Variants in CDIP1 observed in about 807,000 individuals in gnomAD.
CDIP1 encodes the protein cell death-inducing p53-target protein 1.
A neutral mutation model predicts 17.7 loss-of-function variants in CDIP1; 9 were observed. The ratio of observed to expected loss-of-function variants is 0.51; its 90% confidence interval spans 0.31 to 0.89. The LOEUF (loss-of-function observed/expected upper bound fraction) is 0.89. CDIP1 is among the 40% of genes least tolerant of loss of function. The probability of loss-of-function intolerance (pLI) is 0.05; values close to 1 mark genes in which losing one functional copy is unlikely to be tolerated. For missense variants in CDIP1, 263 were observed against 277.9 expected, an observed-to-expected ratio of 0.95 and a Z score of 0.38; for synonymous variants, 117 against 109.5, an observed-to-expected ratio of 1.07 and a Z score of -0.43.
chr16:4,537,154 G>A (rs1018865676), intron 1 of CDIP1, among the ~76,000 whole-genome samples: 1 of 152,146 alleles, frequency 6.6e-6, no homozygotes, highest in Non-Finnish European at 1.5e-5. Flanking sequence ...GCTTATTTGG[G>A]AGGGAAAGGC....
rs541014843 is a variant in CDIP1, at chr16:4,519,549, G to A, written c.-104-4885C>T. ...TCTCCCCGCGGCCCTTCCACCATGG[G>A]ATGACACAGCAAGAAGGCCCTTGCC... On this transcript the variant is annotated intron_variant, in intron 1 of 5. Transcript: ENST00000567695. Among the ~76,000 whole-genome samples, 195 of 152,208 alleles carry A rather than the reference G, an allele frequency of 1.3e-3. 1 individual carries two copies. Among genetic ancestry groups the A allele is most frequent in the Non-Finnish European group, 2.4e-3 (160 of 68,004 alleles).
intron 1 of CDIP1, 92 bp downstream of exon 1, chr16:4,538,610 C>G (rs1179351307): frequency 3.3e-5 from 5 of 152,304 alleles, no homozygotes; most frequent in Non-Finnish European, 5.9e-5. Flanking sequence ...CGAGGTCACG[C>G]CCCGACCTGA....
At chr16:4,532,148 G>C (rs1325220138) in intron 1 of CDIP1, 1 of 152,234 alleles carries the variant, frequency 6.6e-6, no homozygotes, top group East Asian at 1.9e-4. Context: ...CAACACTCAG[G>C]CAATGACGGA....
At chr16:4,527,997 G>C (rs2059017453) in intron 1 of CDIP1, among the ~76,000 whole-genome samples, 1 of 152,122 alleles carries the variant, frequency 6.6e-6, no homozygotes, top group Non-Finnish European at 1.5e-5. Flanking sequence ...TTGTATTTTA[G>C]TAGAGATGGG....
At chr16:4,516,377 C>G (rs1012591758) in intron 1 of CDIP1, among the ~76,000 whole-genome samples, 1 of 152,128 alleles carries the variant, frequency 6.6e-6, no homozygotes. Flanking sequence ...CTGAATTGTA[C>G]ACTTTAAATG....
intron 1 of CDIP1, among the ~76,000 whole-genome samples, chr16:4,528,211 A>C (rs2141653004): frequency 6.6e-6 from 1 of 152,318 alleles, no homozygotes; most frequent in South Asian, 2.1e-4. Flanking sequence ...TCTTCTTTAG[A>C]TGTATTTACA....
Position 4,513,908 on chromosome 16 carries a change from C to T in CDIP1, c.86-57G>A, listed in dbSNP as rs2058861007. 5.4e-6 allele frequency: 8 copies of T among 1,482,160 alleles called. No individual in the cohort carries two copies. Among genetic ancestry groups the T allele is most frequent in the South Asian group, 1.3e-5 (1 of 74,872 alleles). The allele number at this position is 1,482,160 out of a possible 1,614,324, so 91.8% of individuals were successfully genotyped here. ...AGCTGGAGCCTCTGCACGATGAGCT[C>T]GACCAGAGGCCACTGTTTTGGGACA... is the stretch of plus-strand genomic sequence containing the variant. On this transcript the variant is annotated intron_variant, in intron 3 of 5. Coordinates refer to ENST00000567695, the MANE Select transcript of CDIP1 (RefSeq NM_013399.3). The surrounding 1 kb of genome is among the most constrained non-coding windows in gnomAD (Gnocchi z 4.1).
At chr16:4,537,311 G>A (rs148305648) in intron 1 of CDIP1, among the ~76,000 whole-genome samples, 3 of 152,170 alleles carry the variant, frequency 2.0e-5, no homozygotes, top group African/African-American at 7.2e-5. Flanking sequence ...ACTTTTGTAT[G>A]TTTCACGTTT....
chr16:4,515,553 G>T (rs2058879198), intron 1 of CDIP1, among the ~76,000 whole-genome samples: 2 of 152,200 alleles, frequency 1.3e-5, no homozygotes, highest in African/African-American at 2.4e-5. Flanking sequence ...TAAAGGACTT[G>T]TATTAAGAAA....
At position 4,512,689 on chromosome 16, in the gene CDIP1, T is replaced by A. The variant is rs763996813; in HGVS notation, c.516-6A>T. On this transcript the variant is annotated splice_polypyrimidine_tract_variant and splice_region_variant and intron_variant, in intron 5 of 5. Transcript: ENST00000567695. The surrounding 1 kb of genome is among the most constrained non-coding windows in gnomAD (Gnocchi z 4.6). ...GGCAGCAGCCCAGATCACATCTGAA[T>A]CAGAGACAGGGAAGAACAGGCTGAG... 1.2e-6 allele frequency: 2 copies of A among 1,611,398 alleles called. No individual in the cohort carries two copies. The highest frequency in any genetic ancestry group is 1.3e-5 in the African/African-American group (1 of 74,818).
In CDIP1 at chr16:4,538,734, A is replaced by T. The variant is rs2141670513; in HGVS notation, c.-137T>A. On this transcript the variant is annotated 5_prime_UTR_variant, in exon 1 of 6. Transcript: ENST00000567695. ...GCAGCCCTGGGGCAGCGGCCGCAAC[A>T]GCAGGACCGAACGCCTCGGCAGCTG... is the stretch of plus-strand genomic sequence containing the variant. The T allele has an allele frequency of 6.6e-6, 1 of 152,346 alleles. No homozygotes were observed. Among genetic ancestry groups the T allele is most frequent in the East Asian group, 1.9e-4 (1 of 5,178 alleles). The allele number at this position is 152,346 out of a possible 1,614,324, so 9.4% of individuals were successfully genotyped here.
At chr16:4,536,966 T>G (rs1166580726) in intron 1 of CDIP1, among the ~76,000 whole-genome samples, 1 of 152,082 alleles carries the variant, frequency 6.6e-6, no homozygotes, top group African/African-American at 2.4e-5. Flanking sequence ...AGAGAACCTG[T>G]AAAGCTCTTC....
chr16:4,512,484 G>C lies in CDIP1; in HGVS notation c.*88C>G, dbSNP rs1316515816. 4.3e-6 allele frequency: 4 copies of C among 934,934 alleles called. No individual in the cohort carries two copies. Among genetic ancestry groups the C allele is most frequent in the South Asian group, 1.3e-5 (1 of 75,264 alleles). 57.9% of individuals were successfully genotyped at this position (934,934 alleles called of 1,614,324 possible). ...ATGGTGGCACGGCTCCCAGCCCCAA[G>C]TGGGAGCGGGAAAGTGACCACTGAG... On this transcript the variant is annotated 3_prime_UTR_variant, in exon 6 of 6. Coordinates refer to ENST00000567695, the MANE Select transcript of CDIP1 (RefSeq NM_013399.3). This position sits in a 1 kb window ranked among gnomAD's most constrained non-coding sequence, Gnocchi z 4.6.
rs1419716673 is a variant in CDIP1 at position 4,514,869 on chromosome 16, CTG to C, written c.-104-207_-104-206del. On this transcript the variant is annotated intron_variant, in intron 1 of 5. Transcript: ENST00000567695. This position sits in a 1 kb window ranked among gnomAD's most constrained non-coding sequence, Gnocchi z 5.2. Reference sequence around the variant, plus strand: ...GGTCTGCTTCCTCCCTCCCCCAGGACTGCTGGCACCCAAGGGCCACGGCTGGG... The same window carrying C: ...GGTCTGCTTCCTCCCTCCCCCAGGACCTGGCACCCAAGGGCCACGGCTGGG... The C allele has an allele frequency of 5.2e-3, 790 of 152,988 alleles. 9 individuals carry two copies. Among genetic ancestry groups the C allele is most frequent in the African/African-American group, 0.018 (736 of 41,590 alleles). 9.5% of individuals were successfully genotyped at this position (152,988 alleles called of 1,614,324 possible).
rs893617821 is a variant in CDIP1 at position 4,513,121 on chromosome 16, C to A, written c.242-57G>T. The A allele has an allele frequency of 3.4e-5, 51 of 1,486,184 alleles. No homozygotes were observed. The highest frequency in any genetic ancestry group is 4.3e-5 in the Non-Finnish European group (48 of 1,119,518). The allele number at this position is 1,486,184 out of a possible 1,614,324, so 92.1% of individuals were successfully genotyped here. On this transcript the variant is annotated intron_variant, in intron 4 of 5. Transcript: ENST00000567695. The surrounding 1 kb of genome is among the most constrained non-coding windows in gnomAD (Gnocchi z 4.1). ...TCACTGGCCTGCCACCTGCACCAGA[C>A]AAAGAGATTGGCGCAAAGCCCCACG...
At chr16:4,515,394 C>T (rs2058877884) in intron 1 of CDIP1, among the ~76,000 whole-genome samples, 1 of 152,222 alleles carries the variant, frequency 6.6e-6, no homozygotes, top group Admixed American at 6.5e-5. Flanking sequence ...AGGCATCAAT[C>T]TTTATGACCT....
intron 1 of CDIP1, among the ~76,000 whole-genome samples, chr16:4,537,788 A>G (rs934929): frequency 0.34 from 51,895 of 151,988 alleles, 9,789 homozygotes; most frequent in African/African-American, 0.48. Flanking sequence ...ACTCACAGCC[A>G]CTCGCCCCAC....
At chr16:4,535,466 G>C (rs200896987) in intron 1 of CDIP1, among the ~76,000 whole-genome samples, 1 of 152,218 alleles carries the variant, frequency 6.6e-6, no homozygotes, top group East Asian at 1.9e-4. Flanking sequence ...TGCACTGCAG[G>C]CTCTGTATTG....
At chr16:4,536,006 T>G (rs1285221298) in intron 1 of CDIP1, among the ~76,000 whole-genome samples, 1 of 152,202 alleles carries the variant, frequency 6.6e-6, no homozygotes, top group Non-Finnish European at 1.5e-5. Context: ...CTGTCACCAC[T>G]GCCGGCCTGG....
Sources: allele counts gnomAD v4.1 joint callset (sites outside exome capture counted in the v4.1 genomes callset), GRCh38; gene constraint gnomAD v4.1.1; non-coding constraint Gnocchi (gnomAD v3.1); transcripts MANE v1.5; gene names NCBI Gene and HGNC (gene_info 2026-07-23, HGNC 2026-07-21).